The following MYH10 variants were observed in gnomAD, a reference collection of about 807,000 sequenced individuals.
MYH10 encodes the protein myosin heavy chain 10.
MYH10 carries 55 observed loss-of-function variants against 257.8 expected under a neutral mutation model. The ratio of observed to expected loss-of-function variants is 0.21; its 90% confidence interval spans 0.17 to 0.27. The LOEUF (loss-of-function observed/expected upper bound fraction) is 0.27. Ranked by LOEUF, MYH10 falls within the 10% of genes least tolerant of loss-of-function variation. The probability of loss-of-function intolerance (pLI) is 1.00; values close to 1 mark genes in which losing one functional copy is unlikely to be tolerated. For synonymous variants in MYH10, 854 were observed against 921.7 expected (o/e 0.93, Z 1.33); for missense variants, 1,631 against 2,500.6 (o/e 0.65, Z 7.42).
At chr17:8,562,690 G>A (rs921269285) in intron 7 of MYH10, among the ~76,000 whole-genome samples, 1 of 152,068 alleles carries the variant, frequency 6.6e-6, no homozygotes, top group African/African-American at 2.4e-5. Flanking sequence ...TTTTGATAAC[G>A]CTTATTGTAT....
At chr17:8,512,420 T>C in intron 24 of MYH10, 31 bp downstream of exon 24, 1 of 1,560,008 alleles carries the variant, frequency 6.4e-7, no homozygotes, top group Non-Finnish European at 8.7e-7. Flanking sequence ...AAATCCAAAA[T>C]ATGCTTCTAA....
chr17:8,624,242 T>C (rs372913948), intron 1 of MYH10, among the ~76,000 whole-genome samples: 1 of 152,208 alleles, frequency 6.6e-6, no homozygotes, highest in South Asian at 2.1e-4. Flanking sequence ...GCTCCATCAC[T>C]TTGTGGCTAA....
At chr17:8,605,473 C>T (rs528402029) in intron 2 of MYH10, among the ~76,000 whole-genome samples, 64 of 152,238 alleles carry the variant, frequency 4.2e-4, no homozygotes, top group South Asian at 2.9e-3. Flanking sequence ...TGGCCAGGCA[C>T]GGTGGCTCAC....
Position 8,504,866 on chromosome 17 carries a change from C to T in MYH10, c.3427G>A (p.Val1143Ile), listed in dbSNP as rs747106071. The T allele has an allele frequency of 2.5e-6, 4 of 1,614,116 alleles. No homozygotes were observed. The East Asian group carries it at 6.7e-5, about 27-fold the overall frequency. Residue 1143 changes from valine to isoleucine, a missense_variant, in exon 28 of 43, where the codon GTT (valine) becomes ATT (isoleucine). By Grantham distance (29) the Val-to-Ile change is conservative. Around this residue, in one of 11 missense-constraint regions of MYH10, gnomAD observed 169 missense variants for 249.8 expected, o/e 0.68. Coordinates refer to ENST00000360416, the MANE Select transcript of MYH10 (RefSeq NM_001256012.3). The surrounding 1 kb of genome is among the most constrained non-coding windows in gnomAD (Gnocchi z 5.6). Reference sequence around the variant, plus strand: ...ATTTGGGCTTGTAGCTCTCGCACAACTTTAAGGGCATTGTTCTTATGGAGT... The same window carrying T: ...ATTTGGGCTTGTAGCTCTCGCACAATTTTAAGGGCATTGTTCTTATGGAGT... ...ETLHKNNALK[V>I]VRELQAQIAE... is the part of the protein sequence containing the mutation.
At chr17:8,501,308 C>A in intron 28 of MYH10, among the ~76,000 whole-genome samples, 1 of 152,000 alleles carries the variant, frequency 6.6e-6, no homozygotes, top group Admixed American at 6.6e-5. Flanking sequence ...ACCAAAAAAA[C>A]AAACAACCAG....
chr17:8,486,543 CAAAAAAAAAAAAAAAAAAAA>C lies in MYH10; in HGVS notation c.5046+870_5046+889del, dbSNP rs67844660. On this transcript the variant is annotated intron_variant, in intron 36 of 42. Transcript: ENST00000360416. ...AAAAAAAAATCTTTATATTTAGCTTCAAAAAAAAAAAAAAAAAAAAAAAAAAAAAAAAAAAAATGGAAACA... is the reference window on the plus strand; with the variant it reads ...AAAAAAAAATCTTTATATTTAGCTTCAAAAAAAAAAAAAAAAATGGAAACA... Among the ~76,000 whole-genome samples the C allele has an allele frequency of 1.3e-4, 16 of 120,766 alleles. 1 individual carries two copies. Among genetic ancestry groups the C allele is most frequent in the African/African-American group, 2.4e-4 (7 of 29,448 alleles). 79.2% of individuals were successfully genotyped at this position (120,766 alleles called of 152,430 possible).
chr17:8,542,178 C>T lies in MYH10; in HGVS notation c.1534G>A (p.Glu512Lys). Residue 512 changes from glutamate (E) to lysine (K), a missense_variant, in exon 14 of 43, where the codon GAA becomes AAA. Coordinates refer to ENST00000360416, the MANE Select transcript of MYH10 (RefSeq NM_001256012.3). ...FILEQEEYQR[E>K]GIEWNFIDFG... Reference sequence around the variant, plus strand: ...TCGATGAAGTTCCACTCGATGCCTTCGCGCTGGTATTCCTCTTGTTCTAGG... The same window carrying T: ...TCGATGAAGTTCCACTCGATGCCTTTGCGCTGGTATTCCTCTTGTTCTAGG... 1 of 1,614,156 alleles carries T rather than the reference C, an allele frequency of 6.2e-7. No individual in the cohort carries two copies.
chr17:8,526,145 T>C (rs1035759828), intron 17 of MYH10, among the ~76,000 whole-genome samples: 1 of 152,216 alleles, frequency 6.6e-6, no homozygotes, highest in African/African-American at 2.4e-5. Flanking sequence ...AAAATCATCT[T>C]GTGGGTAAAA....
At chr17:8,515,022 G>A (rs968468012) in intron 21 of MYH10, among the ~76,000 whole-genome samples, 1 of 152,114 alleles carries the variant, frequency 6.6e-6, no homozygotes, top group South Asian at 2.1e-4. Flanking sequence ...ACACGGCTGC[G>A]CTCCCACCTA....
chr17:8,616,829 A>G (rs114397780), intron 2 of MYH10, among the ~76,000 whole-genome samples: 134 of 152,274 alleles, frequency 8.8e-4, no homozygotes, highest in African/African-American at 3.2e-3. Flanking sequence ...AAACAATCCT[A>G]AAGAACAAAA....
chr17:8,596,908 G>A (rs888391313), intron 3 of MYH10, among the ~76,000 whole-genome samples: 2 of 152,064 alleles, frequency 1.3e-5, no homozygotes, highest in Non-Finnish European at 2.9e-5. Flanking sequence ...TACAACCAAG[G>A]AAAGAAGCAA....
intron 7 of MYH10, among the ~76,000 whole-genome samples, chr17:8,565,674 ATAT>A (rs1425113214): frequency 9.2e-4 from 140 of 152,354 alleles, no homozygotes; most frequent in African/African-American, 3.3e-3. Flanking sequence ...TGCACTTATT[ATAT>A]AGTAGTGCAG....
intron 7 of MYH10, chr17:8,561,170 A>G (rs2082980184): frequency 3.0e-6 from 2 of 660,464 alleles, no homozygotes; most frequent in South Asian, 3.4e-5. Flanking sequence ...AAAACAAACA[A>G]AGGAGAAATG....
chr17:8,551,952 G>T, intron 9 of MYH10, 94 bp downstream of exon 9: 1 of 599,172 alleles, frequency 1.7e-6, no homozygotes, highest in Non-Finnish European at 2.7e-6. Flanking sequence ...TGTTTTGTGT[G>T]TAAAAAACTG....
At chr17:8,608,810 A>ATT (rs531809094) in intron 2 of MYH10, among the ~76,000 whole-genome samples, 194 of 140,776 alleles carry the variant, frequency 1.4e-3, no homozygotes, top group African/African-American at 1.9e-3. Flanking sequence ...TGATTGGGAA[A>ATT]TTTTTTTTTT....
At chr17:8,561,155 T>C (rs2082979510) in intron 7 of MYH10, 1 of 634,418 alleles carries the variant, frequency 1.6e-6, no homozygotes, top group Non-Finnish European at 2.8e-6. Flanking sequence ...AAAAACTCAG[T>C]AACAAAAACA....
intron 16 of MYH10, among the ~76,000 whole-genome samples, chr17:8,533,956 T>A (rs1032782760): frequency 6.6e-6 from 1 of 152,108 alleles, no homozygotes; most frequent in African/African-American, 2.4e-5. Flanking sequence ...TCCCTCTTCT[T>A]CCTCACATAT....
intron 2 of MYH10, among the ~76,000 whole-genome samples, chr17:8,620,130 C>T (rs1223684641): frequency 6.6e-6 from 1 of 152,106 alleles, no homozygotes; most frequent in East Asian, 1.9e-4. Context: ...CTATATCCAA[C>T]AGTAACAGAA....
At chr17:8,519,810 CA>C (rs1213997487) in intron 19 of MYH10, among the ~76,000 whole-genome samples, 3 of 151,612 alleles carry the variant, frequency 2.0e-5, no homozygotes, top group Non-Finnish European at 4.4e-5. Context: ...ATCTGATTTC[CA>C]GAAAAAAGAA....
Sources: gnomAD v4.1 joint callset for allele counts (sites outside exome capture counted in the v4.1 genomes callset) on GRCh38, gnomAD v4.1.1 for gene constraint, gnomAD v4.1.1 regional missense constraint, Gnocchi (gnomAD v3.1) non-coding constraint, MANE v1.5 for transcripts, NCBI Gene and HGNC (gene_info 2026-07-23, HGNC 2026-07-21) for gene names.